The following ANKS1B variants were observed in gnomAD, a reference collection of about 807,000 sequenced individuals.
ANKS1B encodes ankyrin repeat and sterile alpha motif domain-containing protein 1B.
A neutral mutation model predicts 148.3 loss-of-function variants in ANKS1B; 36 were observed. The observed-to-expected ratio is 0.24, with a 90% CI of 0.19 to 0.32. The LOEUF is 0.32. ANKS1B is among the 10% of genes least tolerant of loss of function. ANKS1B has a pLI of 1.00. For missense variants in ANKS1B, 1,157 were observed against 1,542.6 expected, an observed-to-expected ratio of 0.75 and a Z score of 4.19; for synonymous variants, 542 against 560.8, an observed-to-expected ratio of 0.97 and a Z score of 0.47.
intron 1 of ANKS1B, among the ~76,000 whole-genome samples, chr12:99,850,148 T>C (rs1168699088): frequency 1.3e-5 from 2 of 152,134 alleles, no homozygotes; most frequent in African/African-American, 4.8e-5. Flanking sequence ...TTTATGTTTA[T>C]TCCTTATGAT....
At chr12:98,771,109 AG>A in intron 25 of ANKS1B, among the ~76,000 whole-genome samples, 1 of 152,328 alleles carries the variant, frequency 6.6e-6, no homozygotes, top group South Asian at 2.1e-4. Flanking sequence ...CTAGTCTTTT[AG>A]GTTTAATGAC....
At chr12:99,616,620 C>T (rs186176713) in intron 9 of ANKS1B, among the ~76,000 whole-genome samples, 61 of 152,258 alleles carry the variant, frequency 4.0e-4, no homozygotes, top group Middle Eastern at 6.8e-3. Context: ...CCCTTTCTTA[C>T]ATCTTATACA....
At chr12:99,785,600 T>C (rs1392906682) in intron 4 of ANKS1B, among the ~76,000 whole-genome samples, 19 of 152,108 alleles carry the variant, frequency 1.2e-4, no homozygotes, top group Admixed American at 1.2e-3. Flanking sequence ...GCCCAGCTAA[T>C]TTTTGTATGT....
At chr12:99,388,609 C>A (rs541845635) in intron 12 of ANKS1B, among the ~76,000 whole-genome samples, 57 of 152,256 alleles carry the variant, frequency 3.7e-4, no homozygotes, top group African/African-American at 1.3e-3. Flanking sequence ...CAAGAGCATG[C>A]ATTTATTATC....
intron 14 of ANKS1B, among the ~76,000 whole-genome samples, chr12:99,176,893 C>T (rs546667094): frequency 2.5e-4 from 38 of 152,246 alleles, no homozygotes; most frequent in East Asian, 3.9e-4. Flanking sequence ...CAGAGCCATG[C>T]GCCAATTAAG....
chr12:99,069,110 G>C (rs558714615), intron 16 of ANKS1B, among the ~76,000 whole-genome samples: 2 of 152,330 alleles, frequency 1.3e-5, no homozygotes, highest in Admixed American at 1.3e-4. Context: ...CTGATTGAAT[G>C]GATGGACAAT....
chr12:99,102,232 T>A (rs1004117547), intron 15 of ANKS1B, among the ~76,000 whole-genome samples: 4 of 152,030 alleles, frequency 2.6e-5, no homozygotes, highest in Non-Finnish European at 4.4e-5. Flanking sequence ...ATACAGCAGC[T>A]CATGAGGACC....
In ANKS1B at chr12:99,401,278, T is replaced by C. The variant is rs1052985180; in HGVS notation, c.1576-1467A>G. 1.4e-4 allele frequency among the ~76,000 whole-genome samples: 20 copies of C among 146,236 alleles called. 2 individuals carry two copies. Among genetic ancestry groups the C allele is most frequent in the African/African-American group, 4.1e-4 (16 of 38,612 alleles). The stretch of plus-strand genomic sequence containing the variant: ...TGCTGAATCTCAATTTCACATTCAA[T>C]GTCCTTTCCACCACATTCTATAATA... On this transcript the variant is annotated intron_variant, in intron 11 of 26. Transcript: ENST00000683438.
chr12:99,110,769 T>G (rs1208554473), intron 15 of ANKS1B, among the ~76,000 whole-genome samples: 2 of 148,784 alleles, frequency 1.3e-5, no homozygotes, highest in Non-Finnish European at 2.9e-5. Context: ...TGTTATGAAT[T>G]TGTACTTTTT....
intron 9 of ANKS1B, among the ~76,000 whole-genome samples, chr12:99,588,549 T>G (rs1266032417): frequency 6.6e-6 from 1 of 151,596 alleles, no homozygotes; most frequent in Non-Finnish European, 1.5e-5. Flanking sequence ...CCTGAGTATC[T>G]GGGACTACAG....
intron 17 of ANKS1B, among the ~76,000 whole-genome samples, chr12:99,015,407 A>G (rs541404307): frequency 3.3e-5 from 5 of 152,248 alleles, no homozygotes; most frequent in African/African-American, 1.2e-4. Flanking sequence ...AAAATAACTT[A>G]ATGGGTATTA....
chr12:99,031,316 G>A (rs192673138), intron 17 of ANKS1B, among the ~76,000 whole-genome samples: 177 of 152,302 alleles, frequency 1.2e-3, no homozygotes, highest in African/African-American at 4.0e-3. Flanking sequence ...GCATATTATT[G>A]ATAAATAGTA....
chr12:99,034,252 G>C (rs1307835901), intron 17 of ANKS1B, among the ~76,000 whole-genome samples: 1 of 152,212 alleles, frequency 6.6e-6, no homozygotes, highest in Admixed American at 6.5e-5. Flanking sequence ...AGGGCAGAGA[G>C]CAGAGTAGAG....
At chr12:99,233,694 G>A (rs2087296885) in intron 14 of ANKS1B, among the ~76,000 whole-genome samples, 1 of 152,076 alleles carries the variant, frequency 6.6e-6, no homozygotes, top group Non-Finnish European at 1.5e-5. Context: ...TCTTATTTCT[G>A]TCTTAGTCCT....
intron 11 of ANKS1B, among the ~76,000 whole-genome samples, chr12:99,434,147 TCAAA>T (rs1049134577): frequency 2.0e-5 from 3 of 152,098 alleles, no homozygotes; most frequent in Admixed American, 6.6e-5. Flanking sequence ...CATTGTATAG[TCAAA>T]CAGATTTCCT....
chr12:99,726,695 A>C (rs375726312), intron 8 of ANKS1B, among the ~76,000 whole-genome samples: 2 of 152,292 alleles, frequency 1.3e-5, no homozygotes, highest in East Asian at 1.9e-4. Context: ...AAAAAAGAAA[A>C]TTTCAGGCCA....
At chr12:99,382,443 G>T (rs1457850656) in intron 12 of ANKS1B, among the ~76,000 whole-genome samples, 1 of 152,006 alleles carries the variant, frequency 6.6e-6, no homozygotes, top group Non-Finnish European at 1.5e-5. Flanking sequence ...TGGCTCACAC[G>T]TGTAATCCCA....
intron 9 of ANKS1B, among the ~76,000 whole-genome samples, chr12:99,511,228 T>C (rs1045892685): frequency 5.9e-4 from 89 of 152,066 alleles, no homozygotes; most frequent in African/African-American, 1.9e-3. Context: ...ATTTTTACCA[T>C]GAAGGGATGT....
At chr12:98,849,606 G>A (rs1470578904) in intron 17 of ANKS1B, among the ~76,000 whole-genome samples, 1 of 152,084 alleles carries the variant, frequency 6.6e-6, no homozygotes, top group Non-Finnish European at 1.5e-5. Flanking sequence ...TTTAAATCAT[G>A]AATTTCAGAG....
Sources: allele counts gnomAD v4.1 joint callset (sites outside exome capture counted in the v4.1 genomes callset), GRCh38; gene constraint gnomAD v4.1.1; transcripts MANE v1.5; gene names NCBI Gene and HGNC (gene_info 2026-07-23, HGNC 2026-07-21).